NBAS: variants seen among roughly 807,000 people sequenced by gnomAD.
NBAS encodes the protein NAG/BC035112 fusion.
A neutral mutation model predicts 302.5 loss-of-function variants in NBAS; 219 were observed. That is an observed-to-expected ratio of 0.72 (90% CI 0.65 to 0.81). NBAS has a LOEUF of 0.81. Ranked by LOEUF, NBAS falls within the 30% of genes least tolerant of loss-of-function variation. The pLI, the probability that NBAS is intolerant of heterozygous loss-of-function variation, is 0.00. For missense variants in NBAS, 2,932 were observed against 2,841.6 expected, an observed-to-expected ratio of 1.03 and a Z score of -0.72; for synonymous variants, 1,118 against 1,021.6, an observed-to-expected ratio of 1.09 and a Z score of -1.80.
the NBAS span, among the ~76,000 whole-genome samples, chr2:14,894,981 G>A: frequency 2.0e-5 from 3 of 152,098 alleles, no homozygotes; most frequent in Admixed American, 2.0e-4. Flanking sequence ...ACTTGAATCC[G>A]GAAGGCAAAG....
chr2:15,386,301 ATG>A (rs1489580332), intron 28 of NBAS, among the ~76,000 whole-genome samples: 2 of 152,200 alleles, frequency 1.3e-5, no homozygotes, highest in African/African-American at 4.8e-5. Context: ...TTCCTGGAAG[ATG>A]TGTTGGAGCC....
chr2:15,139,545 C>T, the NBAS span, among the ~76,000 whole-genome samples: 1 of 151,760 alleles, frequency 6.6e-6, no homozygotes, highest in Non-Finnish European at 1.5e-5. Flanking sequence ...CAAGTGTATA[C>T]ACACTATATA....
At chr2:15,538,142 T>C (rs1663611399) in intron 7 of NBAS, among the ~76,000 whole-genome samples, 1 of 152,194 alleles carries the variant, frequency 6.6e-6, no homozygotes, top group South Asian at 2.1e-4. Flanking sequence ...ATTAAATAAA[T>C]TTCACCTGTT....
At chr2:15,234,148 A>T (rs554508382) in intron 46 of NBAS, among the ~76,000 whole-genome samples, 153 of 152,316 alleles carry the variant, frequency 1.0e-3, no homozygotes, top group African/African-American at 3.6e-3. Flanking sequence ...GGGTTTTTCA[A>T]AACAACCTTC....
chr2:15,042,878 A>G, the NBAS span, among the ~76,000 whole-genome samples: 2 of 152,208 alleles, frequency 1.3e-5, no homozygotes, highest in Non-Finnish European at 2.9e-5. Context: ...GCTAGTATAT[A>G]TTTCAGACTT....
the NBAS span, among the ~76,000 whole-genome samples, chr2:14,824,005 A>G: frequency 2.6e-5 from 4 of 152,156 alleles, no homozygotes; most frequent in Non-Finnish European, 5.9e-5. Flanking sequence ...GTCTGGGGCT[A>G]CTCAGTGTCG....
intron 21 of NBAS, 75 bp downstream of exon 21, chr2:15,461,125 CT>C: frequency 7.6e-7 from 1 of 1,307,954 alleles, no homozygotes; most frequent in Non-Finnish European, 1.1e-6. Flanking sequence ...TTTTTTTTAA[CT>C]TTAAGGTGTT....
the NBAS span, among the ~76,000 whole-genome samples, chr2:15,126,149 G>C: frequency 6.6e-6 from 1 of 152,010 alleles, no homozygotes; most frequent in Non-Finnish European, 1.5e-5. Flanking sequence ...GTTTATGTGA[G>C]ATCTTGTTGT....
At chr2:14,966,370 A>T in the NBAS span, among the ~76,000 whole-genome samples, 1 of 152,228 alleles carries the variant, frequency 6.6e-6, no homozygotes, top group Non-Finnish European at 1.5e-5. Context: ...ACTTGTTAAA[A>T]ATAACATATG....
At chr2:15,227,570 G>A (rs1667198370) in intron 47 of NBAS, among the ~76,000 whole-genome samples, 1 of 152,062 alleles carries the variant, frequency 6.6e-6, no homozygotes, top group South Asian at 2.1e-4. Flanking sequence ...GCATCACACT[G>A]CTTGACCTCA....
At chr2:14,825,286 T>C in the NBAS span, among the ~76,000 whole-genome samples, 1 of 152,164 alleles carries the variant, frequency 6.6e-6, no homozygotes, top group African/African-American at 2.4e-5. Context: ...CCTCTTGGAA[T>C]AGAATAGAAT....
chr2:15,050,160 C>G, the NBAS span, among the ~76,000 whole-genome samples: 1 of 152,178 alleles, frequency 6.6e-6, no homozygotes, highest in African/African-American at 2.4e-5. Context: ...TTCAGCTCAG[C>G]AACGTCATCC....
chr2:15,198,720 A>G (rs1665731438), intron 48 of NBAS, among the ~76,000 whole-genome samples: 1 of 152,242 alleles, frequency 6.6e-6, no homozygotes, highest in Admixed American at 6.5e-5. Flanking sequence ...AATGATTAAT[A>G]TACATTTCTT....
At chr2:15,014,446 T>C in the NBAS span, among the ~76,000 whole-genome samples, 1 of 151,966 alleles carries the variant, frequency 6.6e-6, no homozygotes. Flanking sequence ...CTAACCACAA[T>C]GGAATAAAAT....
At chr2:15,321,510 A>C (rs973822566) in intron 38 of NBAS, among the ~76,000 whole-genome samples, 13 of 152,238 alleles carry the variant, frequency 8.5e-5, no homozygotes, top group Non-Finnish European at 1.9e-4. Context: ...ACAAAGGGCT[A>C]ATATCCAGAA....
At chr2:15,521,177 A>G (rs901423905) in intron 9 of NBAS, among the ~76,000 whole-genome samples, 4 of 152,180 alleles carry the variant, frequency 2.6e-5, no homozygotes, top group Admixed American at 6.5e-5. Flanking sequence ...TGGCATTACT[A>G]TATTATTAAC....
chr2:15,553,588 C>T (rs1664484006), intron 4 of NBAS, 115 bp from the exon 5 acceptor site: 2 of 951,564 alleles, frequency 2.1e-6, no homozygotes, highest in Non-Finnish European at 3.3e-6. Flanking sequence ...TGTTCACATG[C>T]TTTAATTATC....
the NBAS span, among the ~76,000 whole-genome samples, chr2:14,944,261 A>G: frequency 6.6e-6 from 1 of 152,208 alleles, no homozygotes; most frequent in Non-Finnish European, 1.5e-5. Flanking sequence ...GATCGATCGC[A>G]CCACTGCCCT....
the NBAS span, among the ~76,000 whole-genome samples, chr2:15,041,808 C>T: frequency 5.3e-5 from 8 of 152,328 alleles, no homozygotes; most frequent in East Asian, 1.5e-3. Context: ...AGCCACCTTG[C>T]TTCCAAGGGC....
Sources: gnomAD v4.1 joint callset for allele counts (sites outside exome capture counted in the v4.1 genomes callset) on GRCh38, gnomAD v4.1.1 for gene constraint, MANE v1.5 for transcripts, NCBI Gene and HGNC (gene_info 2026-07-23, HGNC 2026-07-21) for gene names.